The following IL1RAPL1 variants were observed in gnomAD, a reference collection of about 807,000 sequenced individuals.
IL1RAPL1 encodes the protein interleukin 1 receptor accessory protein like 1.
In IL1RAPL1, 3 loss-of-function variants were observed where a neutral mutation model predicts 48.4. The observed-to-expected ratio is 0.06, with a 90% CI of 0.03 to 0.16. The LOEUF (loss-of-function observed/expected upper bound fraction) is 0.16. IL1RAPL1 is among the 10% of genes least tolerant of loss of function. The probability of loss-of-function intolerance (pLI) is 1.00; values close to 1 mark genes in which losing one functional copy is unlikely to be tolerated. For synonymous variants in IL1RAPL1, 185 were observed against 187.7 expected (o/e 0.99, Z 0.12); for missense variants, 349 against 530.6 (o/e 0.66, Z 3.36).
Position 28,736,431 on chromosome X carries a change from C to CA in IL1RAPL1, c.-24-52874dup, listed in dbSNP as rs34112747. The stretch of plus-strand genomic sequence containing the variant: ...ACCGGGCAATAGTGTGAGACTGTCT[C>CA]AAAAAAAAAAAAAAATGATGGCTCA... On this transcript the variant is annotated intron_variant, in intron 1 of 10. Transcript: ENST00000378993. Among the ~76,000 whole-genome samples, 689 of 89,569 alleles carry CA rather than the reference C, an allele frequency of 7.7e-3. 10 individuals carry two copies. The highest frequency in any genetic ancestry group is 0.025 in the African/African-American group (622 of 24,572). The allele number at this position is 89,569 out of a possible 115,157, so 77.8% of individuals were successfully genotyped here. A position where few individuals can be genotyped will look rare whatever the true frequency, so the allele number is the denominator to read the frequency against.
intron 5 of IL1RAPL1, among the ~76,000 whole-genome samples, chrX:29,567,099 A>C (rs868856965): frequency 9.0e-5 from 10 of 111,538 alleles, no homozygotes; most frequent in African/African-American, 2.0e-4. Context: ...AGTAGAGTCC[A>C]CTGTTTAAAA....
At chrX:28,666,768 T>C (rs1181802767) in intron 1 of IL1RAPL1, among the ~76,000 whole-genome samples, 1 of 112,123 alleles carries the variant, frequency 8.9e-6, no homozygotes, top group Non-Finnish European at 1.9e-5. Context: ...TTATTTTTGC[T>C]GTCACCTGGC....
At chrX:29,530,553 C>T (rs1935602107) in intron 5 of IL1RAPL1, among the ~76,000 whole-genome samples, 1 of 111,929 alleles carries the variant, frequency 8.9e-6, no homozygotes, top group Non-Finnish European at 1.9e-5. Context: ...TGACTGAGGG[C>T]TTCTGGAGCA....
chrX:29,714,696 G>A (rs749363330), intron 6 of IL1RAPL1, among the ~76,000 whole-genome samples: 1 of 111,787 alleles, frequency 8.9e-6, no homozygotes, highest in African/African-American at 3.2e-5. Flanking sequence ...GATTATTCAT[G>A]TGCTAGGTCA....
intron 2 of IL1RAPL1, among the ~76,000 whole-genome samples, chrX:28,837,571 C>T (rs1441087815): frequency 8.3e-5 from 9 of 108,817 alleles, no homozygotes; most frequent in African/African-American, 3.0e-4. Flanking sequence ...TCCTCATAAG[C>T]AACAGGGCAA....
intron 1 of IL1RAPL1, among the ~76,000 whole-genome samples, chrX:28,727,989 G>A (rs976098506): frequency 9.0e-6 from 1 of 110,507 alleles, no homozygotes; most frequent in Non-Finnish European, 1.9e-5. Flanking sequence ...GTTAGTGGGT[G>A]CAGCGCACCA....
chrX:29,227,897 G>A (rs1164281531), intron 2 of IL1RAPL1, among the ~76,000 whole-genome samples: 1 of 110,784 alleles, frequency 9.0e-6, no homozygotes, highest in Admixed American at 9.6e-5. Context: ...TATAGAGATC[G>A]TCAGCATCCC....
At chrX:29,004,553 T>C (rs1602006765) in intron 2 of IL1RAPL1, among the ~76,000 whole-genome samples, 1 of 112,347 alleles carries the variant, frequency 8.9e-6, no homozygotes, top group East Asian at 2.8e-4. Context: ...GAGTATTTAG[T>C]AGAAACACCA....
intron 6 of IL1RAPL1, among the ~76,000 whole-genome samples, chrX:29,683,598 AC>A (rs1926527350): frequency 8.9e-6 from 1 of 112,313 alleles, no homozygotes; most frequent in African/African-American, 3.2e-5. Flanking sequence ...TTGTTGTGAC[AC>A]TTCTATACAT....
chrX:28,940,659 A>G (rs1040448584), intron 2 of IL1RAPL1, among the ~76,000 whole-genome samples: 2 of 110,919 alleles, frequency 1.8e-5, no homozygotes, highest in African/African-American at 3.3e-5. Context: ...TGTTGATTAT[A>G]TTTTGACTTA....
chrX:29,355,653 T>C (rs1468766953), intron 3 of IL1RAPL1, among the ~76,000 whole-genome samples: 1 of 112,127 alleles, frequency 8.9e-6, no homozygotes, highest in African/African-American at 3.2e-5. Flanking sequence ...GAGATTTTTA[T>C]GTTAGATTGA....
intron 2 of IL1RAPL1, among the ~76,000 whole-genome samples, chrX:28,897,720 G>C (rs779153782): frequency 8.9e-6 from 1 of 112,028 alleles, no homozygotes; most frequent in Admixed American, 9.4e-5. Context: ...AATTTCACTC[G>C]CGTCTGTGTG....
intron 2 of IL1RAPL1, among the ~76,000 whole-genome samples, chrX:28,892,825 G>C: frequency 9.0e-6 from 1 of 111,075 alleles, no homozygotes; most frequent in East Asian, 2.9e-4. Context: ...TGACGGCCTG[G>C]ATACGGTTTT....
chrX:29,419,141 T>C (rs1934259821), intron 5 of IL1RAPL1, among the ~76,000 whole-genome samples: 1 of 111,631 alleles, frequency 9.0e-6, no homozygotes, highest in Non-Finnish European at 1.9e-5. Context: ...TTAACCCAGA[T>C]AGTTTGAGAT....
intron 5 of IL1RAPL1, among the ~76,000 whole-genome samples, chrX:29,424,695 G>A (rs1487795878): frequency 9.0e-6 from 1 of 111,353 alleles, no homozygotes; most frequent in Non-Finnish European, 1.9e-5. Flanking sequence ...AAAAGGATGT[G>A]GGGATTTATT....
intron 2 of IL1RAPL1, among the ~76,000 whole-genome samples, chrX:28,993,808 G>C (rs986137349): frequency 2.7e-5 from 3 of 111,800 alleles, no homozygotes; most frequent in African/African-American, 9.8e-5. Flanking sequence ...CGATTTTTTA[G>C]TTGAATGCAG....
intron 2 of IL1RAPL1, among the ~76,000 whole-genome samples, chrX:28,977,900 T>A (rs769602308): frequency 4.9e-4 from 54 of 111,323 alleles, no homozygotes; most frequent in African/African-American, 1.7e-3. Flanking sequence ...GGGGTGGAGG[T>A]TGCAGTGAGC....
chrX:28,742,336 A>T (rs1935919018), intron 1 of IL1RAPL1, among the ~76,000 whole-genome samples: 1 of 111,762 alleles, frequency 8.9e-6, no homozygotes, highest in Non-Finnish European at 1.9e-5. Flanking sequence ...TTGGCAAATA[A>T]GGAGACAATA....
intron 5 of IL1RAPL1, among the ~76,000 whole-genome samples, chrX:29,409,189 C>A (rs928541371): frequency 8.9e-6 from 1 of 112,170 alleles, no homozygotes; most frequent in African/African-American, 3.2e-5. Flanking sequence ...AGGGGCAGAT[C>A]TTTCCAGACT....
Sources: allele counts gnomAD v4.1 joint callset (sites outside exome capture counted in the v4.1 genomes callset), GRCh38; gene constraint gnomAD v4.1.1; transcripts MANE v1.5; gene names NCBI Gene and HGNC (gene_info 2026-07-23, HGNC 2026-07-21).